The following HIVEP3 variants were observed in gnomAD, a reference collection of about 807,000 sequenced individuals.
HIVEP3 encodes the protein HIVEP zinc finger 3, also known as transcription factor HIVEP3.
A neutral mutation model predicts 152.8 loss-of-function variants in HIVEP3; 49 were observed. The ratio of observed to expected loss-of-function variants is 0.32; its 90% CI spans 0.26 to 0.41. The LOEUF is 0.41. HIVEP3 is among the 10% of genes least tolerant of loss of function. The probability of loss-of-function intolerance (pLI) is 1.00; values close to 1 mark genes in which losing one functional copy is unlikely to be tolerated. For synonymous variants in HIVEP3, 1,269 were observed against 1,289.0 expected (o/e 0.98, Z 0.33); for missense variants, 2,790 against 3,103.3 (o/e 0.90, Z 2.40).
chr1:41,718,800 GCACA>G (rs71788756), intron 1 of HIVEP3, among the ~76,000 whole-genome samples: 3 of 150,470 alleles, frequency 2.0e-5, no homozygotes, highest in Non-Finnish European at 4.4e-5. Flanking sequence ...ACACACACGT[GCACA>G]CACACACACA....
chr1:41,670,893 G>A (rs918249261), intron 2 of HIVEP3, among the ~76,000 whole-genome samples: 4 of 152,176 alleles, frequency 2.6e-5, no homozygotes, highest in Admixed American at 6.5e-5. Context: ...GATAAAAGAA[G>A]GCCCACACAG....
chr1:41,977,441 C>T (rs1296716499), intron 1 of HIVEP3, among the ~76,000 whole-genome samples: 2 of 152,158 alleles, frequency 1.3e-5, no homozygotes, highest in South Asian at 2.1e-4. Flanking sequence ...TGCCTGCCTG[C>T]CTCTCAGCCT....
intron 1 of HIVEP3, among the ~76,000 whole-genome samples, chr1:41,915,785 C>A (rs993786642): frequency 9.2e-5 from 14 of 152,200 alleles, no homozygotes; most frequent in Non-Finnish European, 2.1e-4. Context: ...ACCTACTTTA[C>A]AGATAAGGAA....
At chr1:41,585,973 C>A (rs914953996) in intron 3 of HIVEP3, among the ~76,000 whole-genome samples, 5 of 152,180 alleles carry the variant, frequency 3.3e-5, no homozygotes, top group Non-Finnish European at 5.9e-5. Context: ...CTAACCCGCA[C>A]CCCAGCCCAT....
At chr1:41,657,516 A>G (rs1169474979) in intron 2 of HIVEP3, among the ~76,000 whole-genome samples, 1 of 152,144 alleles carries the variant, frequency 6.6e-6, no homozygotes, top group Non-Finnish European at 1.5e-5. Flanking sequence ...AAATTGGTCT[A>G]TTTTGTTGCC....
At chr1:41,825,471 C>A (rs1170753357) in intron 1 of HIVEP3, among the ~76,000 whole-genome samples, 1 of 152,106 alleles carries the variant, frequency 6.6e-6, no homozygotes, top group East Asian at 1.9e-4. Flanking sequence ...GGGGTTTCTA[C>A]TGTTGGCCAG....
intron 3 of HIVEP3, among the ~76,000 whole-genome samples, chr1:41,616,240 C>T (rs997918956): frequency 6.6e-6 from 1 of 152,132 alleles, no homozygotes; most frequent in Non-Finnish European, 1.5e-5. Context: ...TAGAGCACCC[C>T]AAGTGGAACC....
Position 41,593,905 on chromosome 1 carries a change from A to G in HIVEP3, c.-521-8587T>C, listed in dbSNP as rs139831503. Among the ~76,000 whole-genome samples, 255 of 152,146 alleles carry G rather than the reference A, an allele frequency of 1.7e-3. 1 individual carries two copies. Among genetic ancestry groups the G allele is most frequent in the African/African-American group, 5.9e-3 (245 of 41,520 alleles). On this transcript the variant is annotated intron_variant, in intron 3 of 8. Transcript: ENST00000372583. ...AGAATCCCTTTCCTTGCCTTTCCCA[A>G]CTTCTAGAGGGTACCTGAATTCCTT...
chr1:41,800,824 A>T (rs1256291169), intron 1 of HIVEP3, among the ~76,000 whole-genome samples: 1 of 152,174 alleles, frequency 6.6e-6, no homozygotes, highest in Non-Finnish European at 1.5e-5. Flanking sequence ...CCTCCCACAT[A>T]GAGATGGGCT....
intron 2 of HIVEP3, among the ~76,000 whole-genome samples, chr1:41,676,628 G>A (rs938269135): frequency 2.0e-5 from 3 of 152,152 alleles, no homozygotes; most frequent in Non-Finnish European, 4.4e-5. Flanking sequence ...GGTAATGCAC[G>A]ACCATTCCTT....
At chr1:41,519,137 T>C (rs1474510611) in intron 6 of HIVEP3, among the ~76,000 whole-genome samples, 5 of 152,182 alleles carry the variant, frequency 3.3e-5, no homozygotes, top group Non-Finnish European at 7.3e-5. Flanking sequence ...TTGGTTTCCA[T>C]AGAGAAGTCC....
chr1:41,785,789 G>A (rs898061118), intron 1 of HIVEP3, among the ~76,000 whole-genome samples: 7 of 152,206 alleles, frequency 4.6e-5, no homozygotes, highest in African/African-American at 1.7e-4. Context: ...CTGAGGTCAG[G>A]AGTTCAAGAC....
intron 1 of HIVEP3, among the ~76,000 whole-genome samples, chr1:41,955,718 G>A (rs1397917174): frequency 3.9e-5 from 6 of 152,180 alleles, no homozygotes; most frequent in East Asian, 1.9e-4. Context: ...AATAATGAAC[G>A]TGTGACTCAG....
At chr1:41,577,522 A>T (rs1167025023) in intron 4 of HIVEP3, among the ~76,000 whole-genome samples, 2 of 152,200 alleles carry the variant, frequency 1.3e-5, no homozygotes, top group Admixed American at 1.3e-4. Context: ...AAAGGAAAGA[A>T]TGTGGCTACA....
In HIVEP3 at chr1:41,581,780, G is replaced by A. The variant is rs776161330; in HGVS notation, c.3018C>T (p.Thr1006=). The A allele has an allele frequency of 5.0e-6, 8 of 1,589,754 alleles. No individual in the cohort carries two copies. Among genetic ancestry groups the A allele is most frequent in the African/African-American group, 2.7e-5 (2 of 74,154 alleles). Residue 1006 remains threonine (T), a synonymous_variant, in exon 4 of 9, where the codon ACC becomes ACT. Transcript: ENST00000372583. This position sits in a 1 kb window ranked among gnomAD's most constrained non-coding sequence, Gnocchi z 4.5. ...SPNVSHSAHM[T]ETRSKSFDYG... is the part of the protein sequence containing the mutation. ...AGTCAAAGGATTTGCTGCGTGTCTC[G>A]GTCATGTGGGCAGAATGGGAAACGT...
At chr1:41,858,741 A>G (rs940468929) in intron 1 of HIVEP3, among the ~76,000 whole-genome samples, 1 of 152,224 alleles carries the variant, frequency 6.6e-6, no homozygotes, top group Non-Finnish European at 1.5e-5. Flanking sequence ...GTAAAACAAG[A>G]TGATGTGATG....
intron 1 of HIVEP3, among the ~76,000 whole-genome samples, chr1:41,895,078 C>T (rs1644506521): frequency 6.6e-6 from 1 of 151,610 alleles, no homozygotes; most frequent in Non-Finnish European, 1.5e-5. Context: ...TAAGATAAGC[C>T]CCACGCTGGA....
At chr1:41,806,290 C>G (rs1290356417) in intron 1 of HIVEP3, among the ~76,000 whole-genome samples, 2 of 152,194 alleles carry the variant, frequency 1.3e-5, no homozygotes, top group Non-Finnish European at 2.9e-5. Flanking sequence ...TTAGGAGACC[C>G]AGCCACGGAT....
chr1:41,978,257 A>G (rs1001877425), intron 1 of HIVEP3, among the ~76,000 whole-genome samples: 1 of 151,918 alleles, frequency 6.6e-6, no homozygotes, highest in Non-Finnish European at 1.5e-5. Flanking sequence ...AACCCCCTCC[A>G]GTCAGCAGCT....
Sources: gnomAD v4.1 joint callset for allele counts (sites outside exome capture counted in the v4.1 genomes callset) on GRCh38, gnomAD v4.1.1 for gene constraint, Gnocchi (gnomAD v3.1) non-coding constraint, MANE v1.5 for transcripts, NCBI Gene and HGNC (gene_info 2026-07-23, HGNC 2026-07-21) for gene names.